DACH2: variants seen among roughly 807,000 people sequenced by gnomAD.
DACH2 encodes the protein dachshund homolog 2.
DACH2 carries 17 observed loss-of-function variants against 35.8 expected under a neutral mutation model. That is an observed-to-expected ratio of 0.48 (90% CI 0.33 to 0.71). DACH2 has a LOEUF of 0.71. Ranked by LOEUF, DACH2 falls within the 30% of genes least tolerant of loss-of-function variation. The pLI is 0.02. For missense variants in DACH2, 469 were observed against 472.7 expected, an observed-to-expected ratio of 0.99 and a Z score of 0.07; for synonymous variants, 195 against 177.3, an observed-to-expected ratio of 1.10 and a Z score of -0.79.
chrX:86,227,800 G>GA (rs1162437179), intron 1 of DACH2, among the ~76,000 whole-genome samples: 1 of 109,937 alleles, frequency 9.1e-6, no homozygotes, highest in Non-Finnish European at 1.9e-5. Flanking sequence ...CCCATCATTT[G>GA]AAAAACACTA....
chrX:86,298,493 T>G (rs2034511821), intron 1 of DACH2, among the ~76,000 whole-genome samples: 1 of 111,987 alleles, frequency 8.9e-6, no homozygotes, highest in Admixed American at 9.5e-5. Context: ...CAAGTGGTTT[T>G]GTTGACATAT....
At chrX:86,163,362 T>C (rs2030832549) in intron 1 of DACH2, among the ~76,000 whole-genome samples, 2 of 108,860 alleles carry the variant, frequency 1.8e-5, no homozygotes, top group East Asian at 6.1e-4. Flanking sequence ...ATGCATGTTG[T>C]TGCAAATGAC....
chrX:86,169,479 C>T (rs2031053062), intron 1 of DACH2, among the ~76,000 whole-genome samples: 2 of 111,272 alleles, frequency 1.8e-5, no homozygotes, highest in South Asian at 7.6e-4. Flanking sequence ...AAACTTTCTA[C>T]ACTTATCTCT....
chrX:86,267,140 A>G (rs2033727902), intron 1 of DACH2, among the ~76,000 whole-genome samples: 1 of 111,969 alleles, frequency 8.9e-6, no homozygotes, highest in South Asian at 3.7e-4. Flanking sequence ...ATTACTGTGG[A>G]TGAAGTCTTC....
intron 1 of DACH2, among the ~76,000 whole-genome samples, chrX:86,325,363 A>G (rs772301889): frequency 4.5e-5 from 5 of 111,651 alleles, no homozygotes; most frequent in Admixed American, 9.5e-5. Flanking sequence ...AATGAGAGAG[A>G]GAGAGAGAGG....
chrX:86,646,447 A>T (rs67234946), intron 3 of DACH2, among the ~76,000 whole-genome samples: 38,830 of 107,890 alleles, frequency 0.36, 6,066 homozygotes, highest in East Asian at 0.82. Flanking sequence ...ACTTTTATTT[A>T]AAAAAAATGG....
chrX:86,531,487 C>A (rs1380993291), intron 3 of DACH2, among the ~76,000 whole-genome samples: 1 of 111,892 alleles, frequency 8.9e-6, no homozygotes, highest in Non-Finnish European at 1.9e-5. Context: ...TAAAAGGAAC[C>A]AAGGCACTGC....
At chrX:86,507,251 A>G (rs1369999850) in intron 2 of DACH2, among the ~76,000 whole-genome samples, 1 of 111,183 alleles carries the variant, frequency 9.0e-6, no homozygotes, top group African/African-American at 3.3e-5. Context: ...TTGCCATTCA[A>G]ACTTGAAATG....
chrX:86,517,417 C>CTTT, intron 3 of DACH2, among the ~76,000 whole-genome samples: 1 of 95,709 alleles, frequency 1.0e-5, no homozygotes, highest in Non-Finnish European at 2.1e-5. Context: ...CCTTTGCCCA[C>CTTT]TTTTTTTTTT....
chrX:86,172,348 T>G (rs2031152741), intron 1 of DACH2, among the ~76,000 whole-genome samples: 1 of 111,972 alleles, frequency 8.9e-6, no homozygotes, highest in East Asian at 2.8e-4. Context: ...TACTCAATGT[T>G]AAATCAGCAT....
intron 7 of DACH2, among the ~76,000 whole-genome samples, chrX:86,780,852 CT>C (rs1164495544): frequency 9.0e-6 from 1 of 111,180 alleles, no homozygotes; most frequent in East Asian, 2.9e-4. Flanking sequence ...ATTATCTTGC[CT>C]GGTGCCTGCC....
intron 2 of DACH2, among the ~76,000 whole-genome samples, chrX:86,495,192 C>T (rs943220100): frequency 1.8e-5 from 2 of 109,793 alleles, no homozygotes; most frequent in Non-Finnish European, 3.8e-5. Flanking sequence ...AGACTACGAG[C>T]GCCTGCTACC....
At chrX:86,575,567 T>C (rs1489442690) in intron 3 of DACH2, among the ~76,000 whole-genome samples, 3 of 111,895 alleles carry the variant, frequency 2.7e-5, no homozygotes, top group African/African-American at 9.7e-5. Context: ...AACATAATTG[T>C]TCATAGGTCA....
chrX:86,414,437 C>G (rs1370554140), intron 2 of DACH2, among the ~76,000 whole-genome samples: 1 of 111,326 alleles, frequency 9.0e-6, no homozygotes, highest in Non-Finnish European at 1.9e-5. Flanking sequence ...TCCCTGCTAT[C>G]TTGGGATCCA....
At chrX:86,360,160 C>T (rs1486117612) in intron 1 of DACH2, among the ~76,000 whole-genome samples, 1 of 111,431 alleles carries the variant, frequency 9.0e-6, no homozygotes, top group Non-Finnish European at 1.9e-5. Flanking sequence ...AAATATTACT[C>T]ATTTATATAG....
intron 4 of DACH2, among the ~76,000 whole-genome samples, chrX:86,677,374 A>C (rs996682457): frequency 3.6e-5 from 4 of 112,119 alleles, no homozygotes; most frequent in African/African-American, 1.3e-4. Context: ...TATTCTCCTA[A>C]AATTAAAAGA....
In DACH2 at chrX:86,812,929, G is replaced by T. The variant is rs1259557677; in HGVS notation, c.1314G>T (p.Leu438Phe). The change falls in exon 8 of 12, where the codon TTG (leucine) becomes TTT (phenylalanine). Residue 438 changes from leucine to phenylalanine, a missense_variant. By Grantham distance (22) the Leu-to-Phe change is conservative. This residue lies in a region of DACH2 where 363 missense variants were observed against 334.4 expected (regional missense o/e 1.09). Transcript: ENST00000373125. Reference sequence around the variant, plus strand: ...TACAGCTGACTCCTGGGCAGGCATTGCCCGCTGGATTCCCTGGACCATTCA... The same window carrying T: ...TACAGCTGACTCCTGGGCAGGCATTTCCCGCTGGATTCCCTGGACCATTCA... ...DKIQLTPGQA[L>F]PAGFPGPFIF... The T allele has an allele frequency of 8.3e-7, 1 of 1,206,386 alleles. No homozygotes were observed. The highest frequency in any genetic ancestry group is 1.8e-5 in the African/African-American group (1 of 56,986).
intron 3 of DACH2, among the ~76,000 whole-genome samples, chrX:86,615,707 C>T (rs1006070467): frequency 2.7e-5 from 3 of 110,675 alleles, no homozygotes; most frequent in Non-Finnish European, 3.8e-5. Context: ...ATCCTGTAAC[C>T]GGTATTATAT....
At chrX:86,182,203 G>A (rs1337174549) in intron 1 of DACH2, among the ~76,000 whole-genome samples, 1 of 111,959 alleles carries the variant, frequency 8.9e-6, no homozygotes, top group Non-Finnish European at 1.9e-5. Context: ...GATCCAGTTT[G>A]TCAATTTTGG....
Sources: gnomAD v4.1 joint callset for allele counts (sites outside exome capture counted in the v4.1 genomes callset) on GRCh38, gnomAD v4.1.1 for gene constraint, gnomAD v4.1.1 regional missense constraint, MANE v1.5 for transcripts, NCBI Gene and HGNC (gene_info 2026-07-23, HGNC 2026-07-21) for gene names.